PTK2B: variants seen among roughly 807,000 people sequenced by gnomAD.
PTK2B encodes protein-tyrosine kinase 2-beta.
A neutral mutation model predicts 142.9 loss-of-function variants in PTK2B; 71 were observed. The ratio of observed to expected loss-of-function variants is 0.50; its 90% CI spans 0.41 to 0.61. PTK2B has a LOEUF of 0.61. Among genes scored for constraint, PTK2B ranks in the 20% least tolerant of loss-of-function variants. The probability of loss-of-function intolerance (pLI) is 0.00; values close to 1 mark genes in which losing one functional copy is unlikely to be tolerated. For synonymous variants in PTK2B, 519 were observed against 503.4 expected, an observed-to-expected ratio of 1.03 and a Z score of -0.42; for missense variants, 1,105 against 1,320.4, an observed-to-expected ratio of 0.84 and a Z score of 2.53.
At chr8:27,414,482 G>A (rs904545943) in intron 2 of PTK2B, among the ~76,000 whole-genome samples, 5 of 152,036 alleles carry the variant, frequency 3.3e-5, no homozygotes, top group Non-Finnish European at 5.9e-5. Context: ...TTCTGACCTC[G>A]TGATCCGCCC....
chr8:27,315,586 A>G (rs998924567), intron 3 of PTK2B, among the ~76,000 whole-genome samples: 6 of 150,542 alleles, frequency 4.0e-5, no homozygotes, highest in Non-Finnish European at 7.4e-5. Flanking sequence ...GTTGCTGTCT[A>G]TGTGTTTCAT....
intron 2 of PTK2B, among the ~76,000 whole-genome samples, chr8:27,403,341 T>C (rs1437740694): frequency 6.9e-6 from 1 of 145,760 alleles, no homozygotes; most frequent in African/African-American, 2.8e-5. Flanking sequence ...TTCCAAAACA[T>C]AGTTACTCCA....
At chr8:27,354,722 G>A (rs866417456) in intron 1 of PTK2B, among the ~76,000 whole-genome samples, 2 of 152,156 alleles carry the variant, frequency 1.3e-5, no homozygotes, top group Non-Finnish European at 2.9e-5. Context: ...TTTACATACC[G>A]CTGGGCTGTT....
intron 2 of PTK2B, among the ~76,000 whole-genome samples, chr8:27,414,467 T>C (rs898008091): frequency 7.2e-5 from 11 of 152,070 alleles, no homozygotes; most frequent in African/African-American, 2.7e-4. Context: ...AGGATGGTCT[T>C]GATCTTCTGA....
At chr8:27,437,054 G>T (rs1586323219) in intron 15 of PTK2B, 68 bp from the exon 16 acceptor site, 1 of 1,483,326 alleles carries the variant, frequency 6.7e-7, no homozygotes, top group East Asian at 2.3e-5. Context: ...GCCATGGGGA[G>T]GCCAGGAGGG....
intron 1 of PTK2B, among the ~76,000 whole-genome samples, chr8:27,384,898 C>A (rs1254233466): frequency 6.6e-6 from 1 of 152,084 alleles, no homozygotes; most frequent in African/African-American, 2.4e-5. Context: ...CCATTAGAAC[C>A]CAGAGCCCCA....
Position 27,397,543 on chromosome 8 carries a change from T to C in PTK2B, c.-37-5T>C. 6.2e-7 allele frequency: 1 copy of C among 1,602,286 alleles called. No individual in the cohort carries two copies. Among genetic ancestry groups the C allele is most frequent in the Non-Finnish European group, 8.5e-7 (1 of 1,170,830 alleles). On this transcript the variant is annotated splice_polypyrimidine_tract_variant and splice_region_variant and intron_variant, in intron 1 of 30. Coordinates refer to ENST00000346049, the MANE Select transcript of PTK2B (RefSeq NM_173176.3). ...TTCAGGGCTGACCCTCTGCTGTCTC[T>C]GCAGGACTGCAATGTGCCGATCTTA...
At chr8:27,397,410 G>T in intron 1 of PTK2B, 138 bp from the exon 2 acceptor site, 1 of 669,222 alleles carries the variant, frequency 1.5e-6, no homozygotes, top group East Asian at 2.7e-5. Flanking sequence ...CAGGTGCCTT[G>T]CAGGGGAGCT....
intron 9 of PTK2B, among the ~76,000 whole-genome samples, chr8:27,431,722 A>G (rs1785087518): frequency 1.3e-5 from 2 of 152,224 alleles, no homozygotes; most frequent in Admixed American, 6.5e-5. Flanking sequence ...CAAGGCCTCA[A>G]TGATTACTCG....
chr8:27,434,708 A>G (rs1333592863), intron 13 of PTK2B, 149 bp downstream of exon 13: 4 of 960,746 alleles, frequency 4.2e-6, no homozygotes, highest in Non-Finnish European at 1.5e-6. Context: ...GCTTTAAAAT[A>G]TCGTGAATTA....
chr8:27,405,085 A>G (rs1808634553), intron 2 of PTK2B, among the ~76,000 whole-genome samples: 1 of 119,184 alleles, frequency 8.4e-6, no homozygotes, highest in African/African-American at 3.3e-5. Flanking sequence ...ATGTGAGGAC[A>G]GAAGGAGAAG....
intron 5 of PTK2B, among the ~76,000 whole-genome samples, chr8:27,425,164 A>G (rs945214181): frequency 6.6e-6 from 1 of 151,466 alleles, no homozygotes; most frequent in South Asian, 2.1e-4. Context: ...TATATAACAT[A>G]TGCTACTATA....
intron 1 of PTK2B, among the ~76,000 whole-genome samples, chr8:27,375,682 G>A (rs1229822952): frequency 6.6e-6 from 1 of 152,160 alleles, no homozygotes; most frequent in African/African-American, 2.4e-5. Flanking sequence ...GCCTCCGGGG[G>A]CCGTGTTCTT....
At chr8:27,443,665 C>G (rs1811295140) in intron 22 of PTK2B, among the ~76,000 whole-genome samples, 1 of 152,202 alleles carries the variant, frequency 6.6e-6, no homozygotes, top group African/African-American at 2.4e-5. Context: ...CTCCAAAAAC[C>G]TGCACTTCCT....
chr8:27,421,954 C>T (rs1245736512), intron 4 of PTK2B, among the ~76,000 whole-genome samples: 2 of 152,218 alleles, frequency 1.3e-5, no homozygotes, highest in African/African-American at 4.8e-5. Flanking sequence ...CTGTGAATGA[C>T]ATTTATCACT....
At chr8:27,381,750 G>C (rs536736517) in intron 1 of PTK2B, among the ~76,000 whole-genome samples, 107 of 152,274 alleles carry the variant, frequency 7.0e-4, no homozygotes, top group Non-Finnish European at 1.2e-3. Flanking sequence ...CCCCGTAATG[G>C]TTATACTAAT....
Position 27,436,357 on chromosome 8 carries a change from T to A in PTK2B, c.1341+9T>A. 1.2e-6 allele frequency: 2 copies of A among 1,601,052 alleles called. No homozygotes were observed. The highest frequency in any genetic ancestry group is 1.7e-6 in the Non-Finnish European group (2 of 1,168,140). The stretch of plus-strand genomic sequence containing the variant: ...GTGTCTACACAAATCACGTGAGTTC[T>A]AGGATCTTCCCTTACACTCCTCTTC... On this transcript the variant is annotated intron_variant, in intron 15 of 30. Coordinates refer to ENST00000346049, the MANE Select transcript of PTK2B (RefSeq NM_173176.3).
chr8:27,393,518 G>A (rs559123489), intron 1 of PTK2B, among the ~76,000 whole-genome samples: 1 of 152,240 alleles, frequency 6.6e-6, no homozygotes, highest in East Asian at 1.9e-4. Context: ...GTCTGGGTGG[G>A]CTGCATTGGG....
At chr8:27,433,991 G>T in intron 11 of PTK2B, 102 bp from the exon 12 acceptor site, 1 of 1,414,368 alleles carries the variant, frequency 7.1e-7, no homozygotes, top group Non-Finnish European at 1.0e-6. Flanking sequence ...TTAGGGGCTG[G>T]GATGGGAGGA....
Sources: gnomAD v4.1 joint callset for allele counts (sites outside exome capture counted in the v4.1 genomes callset) on GRCh38, gnomAD v4.1.1 for gene constraint, MANE v1.5 for transcripts, NCBI Gene and HGNC (gene_info 2026-07-23, HGNC 2026-07-21) for gene names.